The following SLC2A2 variants were observed in gnomAD, a reference collection of about 807,000 sequenced individuals.
The protein encoded by SLC2A2 is solute carrier family 2 member 2, also known as solute carrier family 2, facilitated glucose transporter member 2.
In SLC2A2, 36 loss-of-function variants were observed where a neutral mutation model predicts 54.5. That is an observed-to-expected ratio of 0.66 (90% CI 0.51 to 0.87). The LOEUF (loss-of-function observed/expected upper bound fraction) is 0.87, where lower values mean the gene tolerates loss of function less well. Among genes scored for constraint, SLC2A2 ranks in the 40% least tolerant of loss-of-function variants. The probability of loss-of-function intolerance (pLI) is 0.00; values close to 1 mark genes in which losing one functional copy is unlikely to be tolerated. For synonymous variants in SLC2A2, 223 were observed against 219.1 expected (o/e 1.02, Z -0.16); for missense variants, 543 against 624.3 (o/e 0.87, Z 1.39).
chr3:171,026,371 T>C (rs1391064531), intron 1 of SLC2A2, among the ~76,000 whole-genome samples: 30 of 98,716 alleles, frequency 3.0e-4, no homozygotes, highest in African/African-American at 1.8e-3. Context: ...CTGCCCCCTT[T>C]TTTTTTTTTT....
intron 1 of SLC2A2, among the ~76,000 whole-genome samples, chr3:171,022,882 T>A (rs1224998272): frequency 6.6e-6 from 1 of 152,198 alleles, no homozygotes; most frequent in African/African-American, 2.4e-5. Context: ...ACAGCCTAAG[T>A]CACAAAGTCC....
At chr3:171,007,880 T>G (rs1240395154) in intron 4 of SLC2A2, among the ~76,000 whole-genome samples, 1 of 152,108 alleles carries the variant, frequency 6.6e-6, no homozygotes, top group East Asian at 1.9e-4. Context: ...AGCTTCTTTA[T>G]TCTATTCAAA....
In SLC2A2 at chr3:170,999,097, CACAA is replaced by C. The variant is rs1384674663; in HGVS notation, c.1134_1137del (p.Cys379ProfsTer11). On this transcript the variant is annotated frameshift_variant, in exon 9 of 11. Coordinates refer to ENST00000314251, the MANE Select transcript of SLC2A2 (RefSeq NM_000340.2). LOFTEE classifies it high-confidence loss of function. ...ACAAGTCCCACTGACATGAAGATGG[CACAA>C]ACAAACATCCCACTCATTCCAATTA... 1.9e-6 allele frequency: 3 copies of C among 1,612,880 alleles called. No individual in the cohort carries two copies. The highest frequency in any genetic ancestry group is 2.5e-6 in the Non-Finnish European group (3 of 1,179,178).
intron 1 of SLC2A2, among the ~76,000 whole-genome samples, chr3:171,026,368 CT>C (rs58089695): frequency 0.017 from 1,988 of 117,500 alleles, 35 homozygotes; most frequent in African/African-American, 0.047. Flanking sequence ...AATCTGCCCC[CT>C]TTTTTTTTTT....
intron 5 of SLC2A2, among the ~76,000 whole-genome samples, chr3:171,006,309 T>TTA (rs1369660097): frequency 1.3e-5 from 2 of 151,880 alleles, no homozygotes; most frequent in African/African-American, 4.8e-5. Flanking sequence ...TAGGTTTTTT[T>TTA]ATCTCACTTT....
intron 3 of SLC2A2, among the ~76,000 whole-genome samples, chr3:171,010,458 A>G (rs1298492096): frequency 1.3e-5 from 2 of 152,168 alleles, no homozygotes; most frequent in Non-Finnish European, 2.9e-5. Flanking sequence ...AGATGATTCA[A>G]TCCTGGTGAG....
At position 171,010,080 on chromosome 3, in the gene SLC2A2, AT is replaced by A. The variant is rs1715815210; in HGVS notation, c.373del (p.Ile125SerfsTer5). On this transcript the variant is annotated frameshift_variant and splice_region_variant, in exon 4 of 11. Coordinates refer to ENST00000314251, the MANE Select transcript of SLC2A2 (RefSeq NM_000340.2). LOFTEE classifies it high-confidence loss of function. Reference sequence around the variant, plus strand: ...AATGTTTGCTACTAACATGGCTTTGATTCTGAAATTTTAAAAAGCAAGGAAT... The same window carrying A: ...AATGTTTGCTACTAACATGGCTTTGATCTGAAATTTTAAAAAGCAAGGAAT... ...GGWLGDTLGR[I>X]KAMLVANILS... 6.2e-7 allele frequency: 1 copy of A among 1,612,494 alleles called. No homozygotes were observed. The highest frequency in any genetic ancestry group is 1.7e-5 in the Admixed American group (1 of 59,902).
chr3:171,009,914 T>TGC, intron 4 of SLC2A2, 44 bp downstream of exon 4: 2 of 324,042 alleles, frequency 6.2e-6, no homozygotes, highest in Non-Finnish European at 8.4e-6. Flanking sequence ...CAAAGGTAGG[T>TGC]GTGTGTGTGT....
At position 171,005,247 on chromosome 3, in the gene SLC2A2, C is replaced by T. The variant is rs780949445; in HGVS notation, c.963+38G>A. ...CCCTTGCCTTCCCTATTTTAATTCACTGTGCTCTTAAGAGTTAGTGGGTGT... is the reference window on the plus strand; with the variant it reads ...CCCTTGCCTTCCCTATTTTAATTCATTGTGCTCTTAAGAGTTAGTGGGTGT... On this transcript the variant is annotated intron_variant, in intron 7 of 10. Transcript: ENST00000314251. The T allele has an allele frequency of 1.7e-5, 26 of 1,571,916 alleles. 1 individual carries two copies. Among genetic ancestry groups the T allele is most frequent in the Non-Finnish European group, 1.6e-5 (18 of 1,142,196 alleles).
chr3:171,021,549 G>C (rs1471930321), intron 1 of SLC2A2, among the ~76,000 whole-genome samples: 1 of 152,174 alleles, frequency 6.6e-6, no homozygotes, highest in Non-Finnish European at 1.5e-5. Flanking sequence ...CGTTTGGGAG[G>C]CTGAGGCTGG....
At chr3:171,009,675 G>A (rs1398611978) in intron 4 of SLC2A2, among the ~76,000 whole-genome samples, 2 of 152,006 alleles carry the variant, frequency 1.3e-5, no homozygotes, top group Non-Finnish European at 2.9e-5. Context: ...TTTAATAAAT[G>A]AAGCAACTGA....
At chr3:171,019,073 GTGTATA>G (rs1287098615) in intron 1 of SLC2A2, among the ~76,000 whole-genome samples, 3 of 122,244 alleles carry the variant, frequency 2.5e-5, no homozygotes, top group African/African-American at 1.2e-4. Flanking sequence ...GTGTGTGTGT[GTGTATA>G]TATATATGTG....
chr3:171,010,199 T>A, intron 3 of SLC2A2, 117 bp from the exon 4 acceptor site: 1 of 1,082,116 alleles, frequency 9.2e-7, no homozygotes, highest in Non-Finnish European at 1.4e-6. Context: ...AATTTTGCTG[T>A]AAAAGCTAGT....
intron 2 of SLC2A2, among the ~76,000 whole-genome samples, chr3:171,017,284 T>C (rs1177184635): frequency 6.6e-6 from 1 of 152,212 alleles, no homozygotes; most frequent in Non-Finnish European, 1.5e-5. Flanking sequence ...TAAATTGGCA[T>C]GTGTTGTCAT....
At chr3:171,025,176 C>G (rs571961749) in intron 1 of SLC2A2, among the ~76,000 whole-genome samples, 165 of 151,938 alleles carry the variant, frequency 1.1e-3, no homozygotes, top group Non-Finnish European at 1.8e-3. Context: ...CTATAATACT[C>G]ATGAAATCAT....
At chr3:171,016,921 C>A (rs1025675319) in intron 2 of SLC2A2, among the ~76,000 whole-genome samples, 2 of 149,134 alleles carry the variant, frequency 1.3e-5, no homozygotes, top group Admixed American at 1.4e-4. Flanking sequence ...TGTGCGATTG[C>A]AGCTCATCGC....
intron 7 of SLC2A2, among the ~76,000 whole-genome samples, chr3:171,004,168 C>T (rs1715475234): frequency 1.3e-5 from 2 of 151,946 alleles, no homozygotes. Flanking sequence ...CACACTATCC[C>T]ACCATTTTTA....
At position 170,997,798 on chromosome 3, in the gene SLC2A2, A is replaced by T. The variant is rs1715149879; in HGVS notation, c.*105T>A. ...TTTCTGATGAGAGCACATAAAAATA[A>T]AACAATACTTAAAGATGTGGATATA... On this transcript the variant is annotated 3_prime_UTR_variant, in exon 11 of 11. Coordinates refer to ENST00000314251, the MANE Select transcript of SLC2A2 (RefSeq NM_000340.2). 3.2e-6 allele frequency: 3 copies of T among 940,976 alleles called. No homozygotes were observed. The highest frequency in any genetic ancestry group is 2.8e-5 in the South Asian group (2 of 70,228). 58.3% of individuals were successfully genotyped at this position (940,976 alleles called of 1,614,324 possible). A position where few individuals can be genotyped will look rare whatever the true frequency, so the allele number is the denominator to read the frequency against.
intron 6 of SLC2A2, 113 bp from the exon 7 acceptor site, chr3:171,005,585 C>A: frequency 1.2e-6 from 1 of 811,726 alleles, no homozygotes; most frequent in Non-Finnish European, 2.0e-6. Flanking sequence ...TACTTAATAG[C>A]ATGGGTGTTG....
Sources: allele counts gnomAD v4.1 joint callset (sites outside exome capture counted in the v4.1 genomes callset), GRCh38; gene constraint gnomAD v4.1.1; transcripts MANE v1.5; gene names NCBI Gene and HGNC (gene_info 2026-07-23, HGNC 2026-07-21).